Variants in NCKAP5 observed in about 807,000 individuals in gnomAD.
NCKAP5 encodes the protein nck-associated protein 5.
NCKAP5 carries 92 observed loss-of-function variants against 167.0 expected under a neutral mutation model. That is an observed-to-expected ratio of 0.55 (90% confidence interval 0.47 to 0.66). The LOEUF is 0.66. Among genes scored for constraint, NCKAP5 ranks in the 30% least tolerant of loss-of-function variants. The pLI is 0.00. For missense variants in NCKAP5, 2,378 were observed against 2,315.0 expected (o/e 1.03, Z -0.56); for synonymous variants, 891 against 877.4 (o/e 1.02, Z -0.27).
chr2:133,359,012 T>C (rs1684921157), intron 3 of NCKAP5, among the ~76,000 whole-genome samples: 1 of 152,230 alleles, frequency 6.6e-6, no homozygotes, highest in Non-Finnish European at 1.5e-5. Flanking sequence ...TTTTATACAT[T>C]CATAAAAAAT....
chr2:132,766,278 CA>C (rs70973405), intron 16 of NCKAP5, among the ~76,000 whole-genome samples: 7,713 of 38,190 alleles, frequency 0.2, 54 homozygotes, highest in East Asian at 0.27. Flanking sequence ...GATTCTGTCT[CA>C]AAAAAAAAAA....
intron 3 of NCKAP5, among the ~76,000 whole-genome samples, chr2:133,425,560 A>G (rs945595912): frequency 1.3e-5 from 2 of 152,250 alleles, no homozygotes; most frequent in Admixed American, 1.3e-4. Flanking sequence ...AAAGATAAAA[A>G]GAAGTGACAA....
intron 8 of NCKAP5, among the ~76,000 whole-genome samples, chr2:132,955,686 C>T (rs982897107): frequency 1.3e-5 from 2 of 152,176 alleles, no homozygotes; most frequent in African/African-American, 4.8e-5. Context: ...AATGAGATTG[C>T]TGGGTCAAAT....
intron 16 of NCKAP5, among the ~76,000 whole-genome samples, chr2:132,750,621 G>A (rs1680029337): frequency 6.6e-6 from 1 of 152,182 alleles, no homozygotes; most frequent in Non-Finnish European, 1.5e-5. Context: ...AGGCATGGGA[G>A]CTGAACAGAA....
At chr2:133,541,052 C>A (rs1686192959) in intron 2 of NCKAP5, among the ~76,000 whole-genome samples, 1 of 149,218 alleles carries the variant, frequency 6.7e-6, no homozygotes, top group Non-Finnish European at 1.5e-5. Flanking sequence ...AAATCTTATT[C>A]TTTGTTATAA....
At chr2:132,806,108 G>A (rs1336310145) in intron 11 of NCKAP5, among the ~76,000 whole-genome samples, 4 of 152,120 alleles carry the variant, frequency 2.6e-5, no homozygotes, top group Non-Finnish European at 2.9e-5. Flanking sequence ...CTGTTAATTC[G>A]TTCCTTTTTA....
chr2:132,907,672 T>C (rs770739046), intron 8 of NCKAP5, among the ~76,000 whole-genome samples: 19 of 152,174 alleles, frequency 1.2e-4, no homozygotes, highest in Non-Finnish European at 1.9e-4. Flanking sequence ...TTTTCTTTTT[T>C]TTTGAGAAGG....
At chr2:132,965,214 T>C (rs13417008) in intron 7 of NCKAP5, among the ~76,000 whole-genome samples, 48,236 of 151,960 alleles carry the variant, frequency 0.32, 10,826 homozygotes, top group East Asian at 0.64. Context: ...CCCAAGCATG[T>C]GTAACTGTAT....
intron 3 of NCKAP5, among the ~76,000 whole-genome samples, chr2:133,306,661 T>G (rs964050686): frequency 6.6e-6 from 1 of 152,212 alleles, no homozygotes; most frequent in African/African-American, 2.4e-5. Context: ...ACATACACCT[T>G]ACAGGCAGAA....
intron 3 of NCKAP5, among the ~76,000 whole-genome samples, chr2:133,367,243 A>G (rs72989632): frequency 0.045 from 6,842 of 152,228 alleles, 484 homozygotes; most frequent in African/African-American, 0.15. Context: ...CATGGAACCT[A>G]AGAAATTATT....
intron 8 of NCKAP5, among the ~76,000 whole-genome samples, chr2:132,903,210 T>C (rs1230552122): frequency 1.3e-5 from 2 of 152,096 alleles, no homozygotes; most frequent in East Asian, 3.9e-4. Context: ...ATAAATTAAC[T>C]AACATTAATT....
intron 6 of NCKAP5, among the ~76,000 whole-genome samples, chr2:133,037,550 A>G (rs1459254669): frequency 6.6e-6 from 1 of 152,210 alleles, no homozygotes; most frequent in African/African-American, 2.4e-5. Flanking sequence ...CTGGGGAAAA[A>G]AACTGTGTCT....
the NCKAP5 span, among the ~76,000 whole-genome samples, chr2:133,592,166 A>G: frequency 1.3e-5 from 2 of 152,268 alleles, no homozygotes; most frequent in African/African-American, 4.8e-5. Context: ...CTCCCAAACA[A>G]TGCACCCTAA....
the NCKAP5 span, among the ~76,000 whole-genome samples, chr2:133,609,749 G>GC: frequency 6.6e-6 from 1 of 152,096 alleles, no homozygotes; most frequent in Non-Finnish European, 1.5e-5. Context: ...AGCTTGCCAA[G>GC]ATAAAGAATA....
intron 3 of NCKAP5, among the ~76,000 whole-genome samples, chr2:133,331,048 G>T (rs974754035): frequency 6.6e-6 from 1 of 152,254 alleles, no homozygotes; most frequent in South Asian, 2.1e-4. Context: ...GCAAATATGT[G>T]TGCAAAAGTA....
intron 6 of NCKAP5, among the ~76,000 whole-genome samples, chr2:133,002,371 C>A (rs2077815838): frequency 6.6e-6 from 1 of 152,152 alleles, no homozygotes; most frequent in African/African-American, 2.4e-5. Flanking sequence ...AACTAATAAT[C>A]AAATAGAATA....
chr2:132,920,781 A>ATGTG lies in NCKAP5; in HGVS notation c.580-41866_580-41865insCACA, dbSNP rs1384191821. ...TGTATATATATGTATGTATATATAT[A>ATGTG]TATATATATATATATATATATATAT... On this transcript the variant is annotated intron_variant, in intron 8 of 19. Coordinates refer to ENST00000409261, the MANE Select transcript of NCKAP5 (RefSeq NM_207363.3). 6.5e-4 allele frequency among the ~76,000 whole-genome samples: 30 copies of ATGTG among 46,088 alleles called. 1 individual carries two copies. The highest frequency in any genetic ancestry group is 3.0e-3 in the African/African-American group (29 of 9,744). The allele number at this position is 46,088 out of a possible 152,430, so 30.2% of individuals were successfully genotyped here.
At chr2:133,425,747 G>A (rs1276554163) in intron 3 of NCKAP5, among the ~76,000 whole-genome samples, 1 of 152,212 alleles carries the variant, frequency 6.6e-6, no homozygotes, top group Non-Finnish European at 1.5e-5. Flanking sequence ...GGAGTCAGAA[G>A]AGGACTGAGC....
chr2:132,694,810 AG>A (rs1687149628), intron 19 of NCKAP5, among the ~76,000 whole-genome samples: 1 of 152,208 alleles, frequency 6.6e-6, no homozygotes, highest in Admixed American at 6.5e-5. Context: ...GTGTCACAAA[AG>A]TTAGGTTAGT....
Sources: gnomAD v4.1 joint callset for allele counts (sites outside exome capture counted in the v4.1 genomes callset) on GRCh38, gnomAD v4.1.1 for gene constraint, MANE v1.5 for transcripts, NCBI Gene and HGNC (gene_info 2026-07-23, HGNC 2026-07-21) for gene names.